Variants in SHANK1 observed in about 807,000 individuals in gnomAD.
SHANK1 encodes SH3 and multiple ankyrin repeat domains protein 1.
Under a neutral mutation model 165.6 loss-of-function variants are expected in SHANK1, and 35 were observed. That is an observed-to-expected ratio of 0.21 (90% CI 0.16 to 0.28). The LOEUF is 0.28. Ranked by LOEUF, SHANK1 falls within the 10% of genes least tolerant of loss-of-function variation. The probability of loss-of-function intolerance (pLI) is 1.00; values close to 1 mark genes in which losing one functional copy is unlikely to be tolerated. For missense variants in SHANK1, 2,681 were observed against 3,036.4 expected (o/e 0.88, Z 2.75); for synonymous variants, 1,428 against 1,384.8 (o/e 1.03, Z -0.69).
At chr19:50,714,350 G>T in intron 4 of SHANK1, 60 bp from the exon 5 acceptor site, 2 of 1,463,906 alleles carry the variant, frequency 1.4e-6, no homozygotes, top group Admixed American at 1.8e-5. Flanking sequence ...GAGAAGCAGG[G>T]TCCTCAAGCA....
rs1181853127 is a variant in SHANK1 at position 50,697,732 on chromosome 19, T to C, written c.1862-68A>G. 2 of 1,562,874 alleles carry C rather than the reference T, an allele frequency of 1.3e-6. No homozygotes were observed. The highest frequency in any genetic ancestry group is 1.8e-6 in the Non-Finnish European group (2 of 1,134,326). ...ACCACAATCCCAGCCCTAGAGCTCC[T>C]GGCCCAAGTCTTCCCATCTACCTCC... is the stretch of plus-strand genomic sequence containing the variant. On this transcript the variant is annotated intron_variant, in intron 13 of 23. Transcript: ENST00000293441. This position sits in a 1 kb window ranked among gnomAD's most constrained non-coding sequence, Gnocchi z 4.7.
rs1986770096 is a variant in SHANK1, at chr19:50,697,210, C to T, written c.1938-88G>A. 3 of 1,576,522 alleles carry T rather than the reference C, an allele frequency of 1.9e-6. No individual in the cohort carries two copies. The highest frequency in any genetic ancestry group is 2.2e-5 in the East Asian group (1 of 44,656). On this transcript the variant is annotated intron_variant, in intron 14 of 23. Transcript: ENST00000293441. This position sits in a 1 kb window ranked among gnomAD's most constrained non-coding sequence, Gnocchi z 4.7. Reference sequence around the variant, plus strand: ...CCCCAATCCCACCCAGCCCTGACTGCACCCTCCCCACACCGGTGCATGGGA... The same window carrying T: ...CCCCAATCCCACCCAGCCCTGACTGTACCCTCCCCACACCGGTGCATGGGA...
In SHANK1 at chr19:50,667,698, C is replaced by G. The variant is rs946381500; in HGVS notation, c.4262G>C (p.Gly1421Ala). 7.4e-7 allele frequency: 1 copy of G among 1,347,928 alleles called. No individual in the cohort carries two copies. The highest frequency in any genetic ancestry group is 1.5e-5 in the African/African-American group (1 of 65,046). 83.5% of individuals were successfully genotyped at this position (1,347,928 alleles called of 1,614,324 possible). The change falls in exon 23 of 24, where the codon GGG becomes GCG. Residue 1421 changes from glycine to alanine, a missense_variant. By Grantham distance (60) the Gly-to-Ala change is moderately conservative (BLOSUM62 0). Transcript: ENST00000293441. The surrounding 1 kb of genome is among the most constrained non-coding windows in gnomAD (Gnocchi z 5.7). ...SPPDPARREL[G>A]YRAGLGSQEK... ...CTGGCTGCCCAGCCCGGCCCTGTAC[C>G]CCAGCTCCCGGCGCGCAGGGTCCGG...
At position 50,667,384 on chromosome 19, in the gene SHANK1, A is replaced by C. The variant is rs969038291; in HGVS notation, c.4576T>G (p.Ser1526Ala). 6.5e-7 allele frequency: 1 copy of C among 1,528,914 alleles called. No individual in the cohort carries two copies. The highest frequency in any genetic ancestry group is 1.9e-5 in the Admixed American group (1 of 52,770). 94.7% of individuals were successfully genotyped at this position (1,528,914 alleles called of 1,614,324 possible). A position where few individuals can be genotyped will look rare whatever the true frequency, so the allele number is the denominator to read the frequency against. Residue 1526 changes from serine to alanine, a missense_variant, in exon 23 of 24, where the codon TCC (serine) becomes GCC (alanine). Around this residue, in one of 10 missense-constraint regions of SHANK1, gnomAD observed 1,713 missense variants for 1,630.2 expected, o/e 1.05. Transcript: ENST00000293441. This position sits in a 1 kb window ranked among gnomAD's most constrained non-coding sequence, Gnocchi z 5.7. ...PGVPPPSPRR[S>A]VPPSPTSPRA... ...GGGGAGGTCGGGGAGGGGGGCACGG[A>C]CCGGCGTGGGCTGGGCGGCGGGACC...
At position 50,717,962 on chromosome 19, in the gene SHANK1, TG is replaced by T. The variant is rs1272667848; in HGVS notation, c.-43-1001del. Among the ~76,000 whole-genome samples, 1 of 151,898 alleles carries T rather than the reference TG, an allele frequency of 6.6e-6. No homozygotes were observed. The highest frequency in any genetic ancestry group is 1.5e-5 in the Non-Finnish European group (1 of 67,924). ...TTATGAGGGTGGAGCCCCTTCCAAATGGGGTCCGCCTCCCTTCTGTTCTCCC... is the reference window on the plus strand; with the variant it reads ...TTATGAGGGTGGAGCCCCTTCCAAATGGGTCCGCCTCCCTTCTGTTCTCCC... On this transcript the variant is annotated intron_variant, in intron 1 of 23. Transcript: ENST00000293441. The surrounding 1 kb of genome is among the most constrained non-coding windows in gnomAD (Gnocchi z 5.5).
intron 6 of SHANK1, 34 bp from the exon 7 acceptor site, chr19:50,712,148 C>T (rs2089017670): frequency 6.5e-7 from 1 of 1,548,712 alleles, no homozygotes; most frequent in African/African-American, 1.4e-5. Flanking sequence ...TAGAAAAACA[C>T]AGATGACAGT....
In SHANK1 at chr19:50,716,851, G is replaced by GC; in HGVS notation, c.68dup (p.Ser24LeufsTer27). The GC allele has an allele frequency of 6.5e-7, 1 of 1,539,800 alleles. No homozygotes were observed. The highest frequency in any genetic ancestry group is 8.7e-7 in the Non-Finnish European group (1 of 1,146,498). ...CGTCTGGGGAGCTGTCGGACTCTGA[G>GC]CCCCCCTCGGGACACTCGCTGGCAC... On this transcript the variant is annotated frameshift_variant, in exon 2 of 24. Transcript: ENST00000293441. LOFTEE classifies it high-confidence loss of function. The surrounding 1 kb of genome is among the most constrained non-coding windows in gnomAD (Gnocchi z 8.4).
At position 50,667,949 on chromosome 19, in the gene SHANK1, G is replaced by C; in HGVS notation, c.4011C>G (p.Pro1337=). The C allele has an allele frequency of 7.2e-7, 1 of 1,392,592 alleles. No individual in the cohort carries two copies. Among genetic ancestry groups the C allele is most frequent in the East Asian group, 3.1e-5 (1 of 32,656 alleles). The allele number at this position is 1,392,592 out of a possible 1,614,324, so 86.3% of individuals were successfully genotyped here. A position where few individuals can be genotyped will look rare whatever the true frequency, so the allele number is the denominator to read the frequency against. ...SAFTSFLPPR[P]LVHPLTGKAL... ...CCTTGCCGGTCAGCGGGTGCACCAG[G>C]GGTCGCGGGGGCAGGAAGCTGGTGA... Residue 1337 remains proline, a synonymous_variant, in exon 23 of 24, where the codon CCC becomes CCG. Transcript: ENST00000293441. The surrounding 1 kb of genome is among the most constrained non-coding windows in gnomAD (Gnocchi z 5.7).
At position 50,703,794 on chromosome 19, in the gene SHANK1, C is replaced by T. The variant is rs1599866889; in HGVS notation, c.1259G>A (p.Arg420Gln). 2 of 1,426,612 alleles carry T rather than the reference C, an allele frequency of 1.4e-6. No individual in the cohort carries two copies. Among genetic ancestry groups the T allele is most frequent in the Non-Finnish European group, 1.8e-6 (2 of 1,095,234 alleles). 88.4% of individuals were successfully genotyped at this position (1,426,612 alleles called of 1,614,324 possible). A position where few individuals can be genotyped will look rare whatever the true frequency, so the allele number is the denominator to read the frequency against. The change falls in exon 11 of 24, where the codon CGA (arginine) becomes CAA (glutamine). Residue 420 changes from arginine (R) to glutamine (Q), a missense_variant. This residue lies in a region of SHANK1 where 49 missense variants were observed against 55.6 expected (regional missense o/e 0.88). Coordinates refer to ENST00000293441, the MANE Select transcript of SHANK1 (RefSeq NM_016148.5). Reference protein sequence around the residue: ...FQESPKYAARRRGPPGTGLTV... With the variant: ...FQESPKYAARQRGPPGTGLTV... ...CAGCCCTGTGCCTGGGGGCCCCCGT[C>T]GCCGGGCCGCGTACTTGGGGGACTC...
chr19:50,687,037 G>C (rs760195713), intron 19 of SHANK1: 1 of 1,484,718 alleles, frequency 6.7e-7, no homozygotes, highest in East Asian at 2.7e-5. Flanking sequence ...CTTCCAGGGG[G>C]AGACTAGCCC....
intron 21 of SHANK1, among the ~76,000 whole-genome samples, chr19:50,677,394 C>G (rs773075705): frequency 3.3e-5 from 5 of 152,140 alleles, no homozygotes; most frequent in Non-Finnish European, 5.9e-5. Context: ...TCCCAAAGTG[C>G]TGGGATTACA....
In SHANK1 at chr19:50,688,996, CGGAGG is replaced by C; in HGVS notation, c.2048-33_2048-29del. The C allele has an allele frequency of 2.3e-6, 3 of 1,314,804 alleles. No individual in the cohort carries two copies. The highest frequency in any genetic ancestry group is 2.1e-6 in the Non-Finnish European group (2 of 953,550). The allele number at this position is 1,314,804 out of a possible 1,614,324, so 81.4% of individuals were successfully genotyped here. ...GCAGACAGGGAGGAGCCGGCGGGGT[CGGAGG>C]GGAGGGGGTGGAGAGGCCGAGCAGG... On this transcript the variant is annotated intron_variant, in intron 16 of 23. Coordinates refer to ENST00000293441, the MANE Select transcript of SHANK1 (RefSeq NM_016148.5). This position sits in a 1 kb window ranked among gnomAD's most constrained non-coding sequence, Gnocchi z 6.7.
Position 50,667,320 on chromosome 19 carries a change from AG to A in SHANK1, c.4639del (p.Leu1547CysfsTer78). On this transcript the variant is annotated frameshift_variant, in exon 23 of 24. Transcript: ENST00000293441. LOFTEE classifies it high-confidence loss of function. The surrounding 1 kb of genome is among the most constrained non-coding windows in gnomAD (Gnocchi z 5.7). ...ATCCACCGAGGGGGCGGGAGGCGGC[AG>A]GACCAGCAGGGGCAGCCCGTTCTCT... The part of the protein sequence containing the change: ...SEENGLPLLV[L>X]PPPAPSVDVE... 1 of 1,584,456 alleles carries A rather than the reference AG, an allele frequency of 6.3e-7. No individual in the cohort carries two copies.
Position 50,703,579 on chromosome 19 carries a change from G to C in SHANK1, c.1474C>G (p.Pro492Ala). 1 of 1,557,872 alleles carries C rather than the reference G, an allele frequency of 6.4e-7. No individual in the cohort carries two copies. The highest frequency in any genetic ancestry group is 8.7e-7 in the Non-Finnish European group (1 of 1,155,296). Residue 492 changes from proline (P) to alanine (A), a missense_variant, in exon 11 of 24, where the codon CCC (proline) becomes GCC (alanine). By Grantham distance (27) the Pro-to-Ala change is conservative (BLOSUM62 -1). Around this residue, in one of 10 missense-constraint regions of SHANK1, gnomAD observed 195 missense variants for 186.2 expected, o/e 1.05. Coordinates refer to ENST00000293441, the MANE Select transcript of SHANK1 (RefSeq NM_016148.5). ...GGAGAGCGGGCCCTGGCACCCCGGG[G>C]GCTGCTGGCACTTCGGAGGGTCCCG... Reference protein sequence around the residue: ...SSGTLRSASSPRGARARSPSR... With the variant: ...SSGTLRSASSARGARARSPSR...
chr19:50,668,621 C>T lies in SHANK1; in HGVS notation c.3339G>A (p.Gln1113=), dbSNP rs756891270. ...GRGRKGPLVK[Q]TKVEGEPQKG... is the part of the protein sequence containing the mutation. ...TCTGGGGCTCGCCTTCCACCTTGGT[C>T]TGCTTGACCAGCGGGCCCTTGCGGC... The change falls in exon 23 of 24, where the codon CAG becomes CAA. Residue 1113 remains glutamine (Q), a synonymous_variant. Coordinates refer to ENST00000293441, the MANE Select transcript of SHANK1 (RefSeq NM_016148.5). The T allele has an allele frequency of 3.0e-5, 41 of 1,376,690 alleles. 1 individual carries two copies. The South Asian group carries it at 7.0e-4, about 23-fold the overall frequency. 85.3% of individuals were successfully genotyped at this position (1,376,690 alleles called of 1,614,324 possible). A position where few individuals can be genotyped will look rare whatever the true frequency, so the allele number is the denominator to read the frequency against.
Position 50,668,017 on chromosome 19 carries a change from C to A in SHANK1, c.3943G>T (p.Ala1315Ser). 6.8e-7 allele frequency: 1 copy of A among 1,475,776 alleles called. No homozygotes were observed. The highest frequency in any genetic ancestry group is 1.3e-5 in the South Asian group (1 of 78,250). The allele number at this position is 1,475,776 out of a possible 1,614,324, so 91.4% of individuals were successfully genotyped here. A position where few individuals can be genotyped will look rare whatever the true frequency, so the allele number is the denominator to read the frequency against. ...GSGAGYGGYG[A>S]GSRAYGGGGG... The stretch of plus-strand genomic sequence containing the variant: ...CCACCCCCGTAGGCTCGGCTACCGG[C>A]CCCGTAGCCGCCGTAGCCCGCGCCG... Residue 1315 changes from alanine (A) to serine (S), a missense_variant, in exon 23 of 24, where the codon GCC becomes TCC. Transcript: ENST00000293441.
chr19:50,667,053 T>C lies in SHANK1; in HGVS notation c.4907A>G (p.Gln1636Arg). 1 of 1,548,100 alleles carries C rather than the reference T, an allele frequency of 6.5e-7. No homozygotes were observed. The highest frequency in any genetic ancestry group is 1.9e-5 in the Admixed American group (1 of 52,164). The change falls in exon 23 of 24, where the codon CAG becomes CGG. Residue 1636 changes from glutamine (Q) to arginine (R), a missense_variant. Physicochemically the swap from Gln to Arg is conservative, Grantham distance 43 (BLOSUM62 1). Transcript: ENST00000293441. This position sits in a 1 kb window ranked among gnomAD's most constrained non-coding sequence, Gnocchi z 5.7. The stretch of plus-strand genomic sequence containing the variant: ...GTCCCCAGGAGCGGCGGAGGCCCCC[T>C]GGGTCAGGGTGGCCACCTCGCTGTC... ...SYDSEVATLT[Q>R]GASAAPGDPH... is the part of the protein sequence containing the mutation.
In SHANK1 at chr19:50,686,306, G is replaced by A. The variant is rs775690482; in HGVS notation, c.2508C>T (p.Ser836=). 14 of 1,608,500 alleles carry A rather than the reference G, an allele frequency of 8.7e-6. No homozygotes were observed. Among genetic ancestry groups the A allele is most frequent in the Non-Finnish European group, 1.2e-5 (14 of 1,177,128 alleles). Residue 836 remains serine, a synonymous_variant, in exon 21 of 24, where the codon AGC becomes AGT. Coordinates refer to ENST00000293441, the MANE Select transcript of SHANK1 (RefSeq NM_016148.5). The surrounding 1 kb of genome is among the most constrained non-coding windows in gnomAD (Gnocchi z 5.7). ...CGAGGCCACCGGGACCAGGGCTTTC[G>A]CTTGCACTGATGGTCTGTTGAGCTG... ...LAAAQQTISA[S]ESPGPGGLAS... is the part of the protein sequence containing the mutation.
Position 50,666,264 on chromosome 19 carries a change from C to A in SHANK1, c.5696G>T (p.Gly1899Val). Residue 1899 changes from glycine to valine, a missense_variant, in exon 23 of 24, where the codon GGG becomes GTG. By Grantham distance (109) the Gly-to-Val change is moderately radical. Coordinates refer to ENST00000293441, the MANE Select transcript of SHANK1 (RefSeq NM_016148.5). ...GALPWARGGSGGGGDSHHGGA... is the reference protein window; with the variant it reads ...GALPWARGGSVGGGDSHHGGA... ...CCCGTGGTGGCTGTCTCCGCCTCCC[C>A]CACTGCCTCCTCGGGCCCAGGGCAG... is the stretch of plus-strand genomic sequence containing the variant. 1 of 1,610,916 alleles carries A rather than the reference C, an allele frequency of 6.2e-7. No individual in the cohort carries two copies. The highest frequency in any genetic ancestry group is 8.5e-7 in the Non-Finnish European group (1 of 1,179,044).
Sources: allele counts gnomAD v4.1 joint callset (sites outside exome capture counted in the v4.1 genomes callset), GRCh38; gene constraint gnomAD v4.1.1; regional missense constraint gnomAD v4.1.1; non-coding constraint Gnocchi (gnomAD v3.1); transcripts MANE v1.5; gene names NCBI Gene and HGNC (gene_info 2026-07-23, HGNC 2026-07-21).